Variants in TLE1 observed in about 807,000 individuals in gnomAD.
TLE1 encodes the protein transducin-like enhancer protein 1.
A neutral mutation model predicts 89.8 loss-of-function variants in TLE1; 21 were observed. That is an observed-to-expected ratio of 0.23 (90% CI 0.17 to 0.34). TLE1 has a LOEUF of 0.34. Ranked by LOEUF, TLE1 falls within the 10% of genes least tolerant of loss-of-function variation. TLE1 has a pLI of 1.00. For synonymous variants in TLE1, 447 were observed against 407.6 expected (o/e 1.10, Z -1.16); for missense variants, 795 against 1,031.2 (o/e 0.77, Z 3.14).
rs1826810005 is a variant in TLE1, at chr9:81,632,566, G to A, written c.594+782C>T. Among the ~76,000 whole-genome samples, 6 of 148,744 alleles carry A rather than the reference G, an allele frequency of 4.0e-5. No individual in the cohort carries two copies. In the Admixed American group the frequency reaches 4.1e-4, roughly 10 times the overall value. Reference sequence around the variant, plus strand: ...GAGGCAAAACCTGTAGGTTATCCCAGCTGAAAAGGGGCTGAATTCTCTCTA... The same window carrying A: ...GAGGCAAAACCTGTAGGTTATCCCAACTGAAAAGGGGCTGAATTCTCTCTA... On this transcript the variant is annotated intron_variant, in intron 8 of 19. Coordinates refer to ENST00000376499, the MANE Select transcript of TLE1 (RefSeq NM_005077.5).
At chr9:81,688,033 G>A (rs916665423) in intron 1 of TLE1, among the ~76,000 whole-genome samples, 184 bp downstream of exon 1, 30 of 152,022 alleles carry the variant, frequency 2.0e-4, no homozygotes, top group Non-Finnish European at 2.6e-4. Flanking sequence ...CAAAGGGAGG[G>A]AGAAAATTAA....
At chr9:81,669,894 A>G (rs1437014692) in intron 4 of TLE1, among the ~76,000 whole-genome samples, 2 of 152,218 alleles carry the variant, frequency 1.3e-5, no homozygotes, top group Non-Finnish European at 2.9e-5. Context: ...TGTACCACAT[A>G]TAAGTTTAGG....
chr9:81,679,778 G>A (rs530257901), intron 4 of TLE1, among the ~76,000 whole-genome samples: 13 of 151,978 alleles, frequency 8.6e-5, no homozygotes, highest in Non-Finnish European at 1.3e-4. Context: ...GAGGGGAGAG[G>A]GTAGGAAACG....
At chr9:81,608,102 G>A (rs1831925583) in intron 14 of TLE1, among the ~76,000 whole-genome samples, 1 of 152,200 alleles carries the variant, frequency 6.6e-6, no homozygotes. Flanking sequence ...GGGCAGCTGA[G>A]TGGACTGCTC....
chr9:81,609,171 G>A (rs982175036), intron 14 of TLE1, among the ~76,000 whole-genome samples: 42 of 150,366 alleles, frequency 2.8e-4, no homozygotes, highest in African/African-American at 8.8e-4. Context: ...TGCAACCTCC[G>A]CCACCCAGGT....
chr9:81,598,380 C>T (rs960083411), intron 14 of TLE1, among the ~76,000 whole-genome samples: 2 of 152,160 alleles, frequency 1.3e-5, no homozygotes, highest in African/African-American at 4.8e-5. Context: ...CTGCCTGCCA[C>T]GAACTCCCCA....
chr9:81,633,865 A>G, intron 7 of TLE1: 2 of 495,040 alleles, frequency 4.0e-6, no homozygotes, highest in Non-Finnish European at 7.1e-6. Flanking sequence ...GCAGTTGCCA[A>G]GATGTCAAGA....
Position 81,688,532 on chromosome 9 carries a change from G to C in TLE1, c.-292C>G, listed in dbSNP as rs1309455746. 1 of 340,506 alleles carries C rather than the reference G, an allele frequency of 2.9e-6. No homozygotes were observed. The highest frequency in any genetic ancestry group is 4.7e-5 in the East Asian group (1 of 21,372). The allele number at this position is 340,506 out of a possible 1,614,324, so 21.1% of individuals were successfully genotyped here. On this transcript the variant is annotated 5_prime_UTR_variant, in exon 1 of 20. Transcript: ENST00000376499. ...GTCGGGCGCTCGGGGACTGTGCGCG[G>C]GGGCAGCGCTCCAACCCCCGGCCTC...
At position 81,588,021 on chromosome 9, in the gene TLE1, T is replaced by C. The variant is rs543374167; in HGVS notation, c.1830-193A>G. Among the ~76,000 whole-genome samples the C allele has an allele frequency of 3.1e-4, 47 of 151,148 alleles. 1 individual carries two copies. In the South Asian group the frequency reaches 8.8e-3, roughly 28 times the overall value. On this transcript the variant is annotated intron_variant, in intron 16 of 19. Transcript: ENST00000376499. ...GGAGGAGGGGAAACAGCACCTGCGA[T>C]TGTCTTTCCCTGTTTTCCACGATCC...
chr9:81,606,796 T>TAG (rs1831727465), intron 14 of TLE1, among the ~76,000 whole-genome samples: 2 of 149,782 alleles, frequency 1.3e-5, no homozygotes, highest in African/African-American at 4.9e-5. Flanking sequence ...ACCATATATA[T>TAG]ATATATAGAG....
At chr9:81,641,609 T>C (rs779351170) in intron 6 of TLE1, among the ~76,000 whole-genome samples, 6 of 152,124 alleles carry the variant, frequency 3.9e-5, no homozygotes, top group Non-Finnish European at 7.3e-5. Context: ...AATTTAAAAA[T>C]GGGCAAAGGA....
intron 8 of TLE1, among the ~76,000 whole-genome samples, chr9:81,629,659 T>G (rs1826327735): frequency 6.6e-6 from 1 of 152,222 alleles, no homozygotes; most frequent in South Asian, 2.1e-4. Flanking sequence ...TACACAAACC[T>G]GGGTGGTATA....
At chr9:81,668,164 T>C (rs1012177308) in intron 4 of TLE1, among the ~76,000 whole-genome samples, 1 of 57,458 alleles carries the variant, frequency 1.7e-5, no homozygotes, top group African/African-American at 1.2e-4. Flanking sequence ...CAAGACTGCA[T>C]CTCGAAAAAA....
intron 14 of TLE1, among the ~76,000 whole-genome samples, chr9:81,595,660 T>C (rs1039282183): frequency 6.6e-6 from 1 of 151,474 alleles, no homozygotes; most frequent in Non-Finnish European, 1.5e-5. Flanking sequence ...CTACTAAAAA[T>C]ACAAAAAAAT....
intron 6 of TLE1, among the ~76,000 whole-genome samples, chr9:81,642,725 A>AAGGAAAGAC (rs1264038918): frequency 6.6e-6 from 1 of 151,890 alleles, no homozygotes; most frequent in African/African-American, 2.4e-5. Context: ...AAAGGAAAGA[A>AAGGAAAGAC]AGAAAGAAAG....
intron 4 of TLE1, among the ~76,000 whole-genome samples, chr9:81,660,352 A>AC (rs1475736658): frequency 6.6e-6 from 1 of 152,008 alleles, no homozygotes; most frequent in Non-Finnish European, 1.5e-5. Flanking sequence ...AAAAAAAAAA[A>AC]AACAAAATCA....
intron 4 of TLE1, among the ~76,000 whole-genome samples, chr9:81,656,735 T>C (rs866259800): frequency 1.3e-5 from 2 of 152,210 alleles, no homozygotes; most frequent in Non-Finnish European, 2.9e-5. Context: ...AACAAGTACC[T>C]TGAAACATTC....
intron 14 of TLE1, among the ~76,000 whole-genome samples, chr9:81,606,464 CT>C (rs2131998994): frequency 6.6e-6 from 1 of 152,272 alleles, no homozygotes; most frequent in East Asian, 1.9e-4. Context: ...AGTTCATGTC[CT>C]TTGCAGGGAC....
rs191962286 is a variant in TLE1 at position 81,641,958 on chromosome 9, G to A, written c.373-7657C>T. Among the ~76,000 whole-genome samples the A allele has an allele frequency of 2.2e-3, 335 of 152,270 alleles. 5 individuals are homozygous for A. Among genetic ancestry groups the A allele is most frequent in the African/African-American group, 7.6e-3 (315 of 41,552 alleles). On this transcript the variant is annotated intron_variant, in intron 6 of 19. Transcript: ENST00000376499. ...AATTGCTTGAACCTGGGAGGCAGAGGTTGCAGTAAGCGGAGATCGCGCCAT... is the reference window on the plus strand; with the variant it reads ...AATTGCTTGAACCTGGGAGGCAGAGATTGCAGTAAGCGGAGATCGCGCCAT...
Sources: allele counts gnomAD v4.1 joint callset (sites outside exome capture counted in the v4.1 genomes callset), GRCh38; gene constraint gnomAD v4.1.1; transcripts MANE v1.5; gene names NCBI Gene and HGNC (gene_info 2026-07-23, HGNC 2026-07-21).